DPEP2: variants seen among roughly 807,000 people sequenced by gnomAD.
The protein encoded by DPEP2 is dipeptidase 2.
Under a neutral mutation model 51.8 loss-of-function variants are expected in DPEP2, and 45 were observed. The ratio of observed to expected loss-of-function variants is 0.87; its 90% CI spans 0.68 to 1.11. The LOEUF (loss-of-function observed/expected upper bound fraction) is 1.11, where lower values mean the gene tolerates loss of function less well. Among genes scored for constraint, DPEP2 ranks in the 50% most tolerant of loss-of-function variants. The pLI, the probability that DPEP2 is intolerant of heterozygous loss-of-function variation, is 0.00. For synonymous variants in DPEP2, 255 were observed against 262.7 expected (o/e 0.97, Z 0.28); for missense variants, 604 against 631.9 (o/e 0.96, Z 0.47).
In DPEP2 at chr16:67,993,269, G is replaced by A. The variant is rs1303852198; in HGVS notation, c.-45-12C>T. 5 of 1,388,534 alleles carry A rather than the reference G, an allele frequency of 3.6e-6. No homozygotes were observed. The highest frequency in any genetic ancestry group is 3.0e-5 in the African/African-American group (2 of 67,270). The allele number at this position is 1,388,534 out of a possible 1,614,324, so 86.0% of individuals were successfully genotyped here. On this transcript the variant is annotated splice_polypyrimidine_tract_variant and intron_variant, in intron 1 of 10. Coordinates refer to ENST00000393847, the MANE Select transcript of DPEP2 (RefSeq NM_022355.4). ...GGCAGTCAGAGAGCCTGAGAGGGGC[G>A]GGCGAGGGGCAGAGCGCGACGATGG...
rs113729496 is a variant in DPEP2 at position 67,991,655 on chromosome 16, G to A, written c.662+183C>T. 15,362 of 923,220 alleles carry A rather than the reference G, an allele frequency of 0.017. 923 individuals are homozygous for A. The African/African-American group carries it at 0.17, about 10-fold the overall frequency. 57.2% of individuals were successfully genotyped at this position (923,220 alleles called of 1,614,324 possible). A position where few individuals can be genotyped will look rare whatever the true frequency, so the allele number is the denominator to read the frequency against. ...AGCCTCCCAAAGTTTTGGGATTACAGGCATGAGCCACCGCGTCTGGCCAGG... is the reference window on the plus strand; with the variant it reads ...AGCCTCCCAAAGTTTTGGGATTACAAGCATGAGCCACCGCGTCTGGCCAGG... On this transcript the variant is annotated intron_variant, in intron 5 of 10. Coordinates refer to ENST00000393847, the MANE Select transcript of DPEP2 (RefSeq NM_022355.4). The surrounding 1 kb of genome is among the most constrained non-coding windows in gnomAD (Gnocchi z 5.1).
At chr16:67,999,156 A>T in intron 1 of DPEP2, 1 of 154,336 alleles carries the variant, frequency 6.5e-6, no homozygotes, top group East Asian at 1.9e-4. Context: ...TATGAGCTTT[A>T]ACACTCACCG....
intron 2 of DPEP2, 139 bp from the exon 3 acceptor site, chr16:67,992,775 A>T: frequency 6.7e-7 from 1 of 1,494,166 alleles, no homozygotes; most frequent in Admixed American, 2.1e-5. Flanking sequence ...GGCCCGGGCT[A>T]GGAGTGCCCA....
At chr16:67,990,716 A>T in intron 7 of DPEP2, 105 bp downstream of exon 7, 1 of 1,302,910 alleles carries the variant, frequency 7.7e-7, no homozygotes, top group South Asian at 1.4e-5. Flanking sequence ...AGCCCACCTC[A>T]GCCTCCCAAA....
rs141329738 is a variant in DPEP2, at chr16:67,990,117, G to A, written c.924C>T (p.Gly308=). 21 of 1,613,924 alleles carry A rather than the reference G, an allele frequency of 1.3e-5. No individual in the cohort carries two copies. The highest frequency in any genetic ancestry group is 4.0e-5 in the African/African-American group (3 of 74,908). Reference sequence around the variant, plus strand: ...CCATGGACAAAGACACCATCACGACGCCACCGTTCTTCTTCTGCAGGGGCG... The same window carrying A: ...CCATGGACAAAGACACCATCACGACACCACCGTTCTTCTTCTGCAGGGGCG... ...DILQLLKKNG[G]VVMVSLSMGV... is the part of the protein sequence containing the mutation. The change falls in exon 8 of 11, where the codon GGC becomes GGT. Residue 308 remains glycine (G), a synonymous_variant. Coordinates refer to ENST00000393847, the MANE Select transcript of DPEP2 (RefSeq NM_022355.4).
intron 9 of DPEP2, among the ~76,000 whole-genome samples, chr16:67,988,666 TC>T: frequency 6.7e-6 from 1 of 149,476 alleles, no homozygotes; most frequent in East Asian, 2.0e-4. Context: ...AGGCCTGTAA[TC>T]CCACACTTTA....
intron 1 of DPEP2, 136 bp from the exon 2 acceptor site, chr16:67,993,393 C>CCGCCCAGTACGGCCAGTA (rs2032438384): frequency 3.1e-6 from 4 of 1,278,926 alleles, no homozygotes; most frequent in Non-Finnish European, 3.9e-6. Context: ...AGCGGCGGCA[C>CCGCCCAGTACGGCCAGTA]CGCCCAGTAC....
At chr16:67,989,858 G>A (rs1173670251) in intron 8 of DPEP2, among the ~76,000 whole-genome samples, 189 bp downstream of exon 8, 3 of 152,228 alleles carry the variant, frequency 2.0e-5, no homozygotes, top group African/African-American at 7.2e-5. Flanking sequence ...GGTTCTATGT[G>A]TGGCTTCCTC....
chr16:67,992,662 G>C, intron 2 of DPEP2, 26 bp from the exon 3 acceptor site: 1 of 1,606,972 alleles, frequency 6.2e-7, no homozygotes, highest in Non-Finnish European at 8.5e-7. Flanking sequence ...GCCAGGGTCA[G>C]GTGAAGAACA....
At chr16:67,988,971 G>T (rs553378200) in intron 9 of DPEP2, among the ~76,000 whole-genome samples, 46 of 152,198 alleles carry the variant, frequency 3.0e-4, no homozygotes, top group Non-Finnish European at 6.6e-4. Flanking sequence ...GAAGGAGGAC[G>T]AGGAAGAAAA....
rs1425520878 is a variant in DPEP2 at position 67,992,991 on chromosome 16, C to T, written c.222G>A (p.Glu74=). The change falls in exon 2 of 11, where the codon GAG becomes GAA. Residue 74 remains glutamate (E), a synonymous_variant. Transcript: ENST00000393847. ...LSSPSTQGLQ[E]QARALMRDFP... ...AGTCCCGCATCAGGGCCCGTGCCTG[C>T]TCTTGCAGGCCCTGGGTGCTGGGAC... The T allele has an allele frequency of 6.2e-7, 1 of 1,610,260 alleles. No homozygotes were observed. Among genetic ancestry groups the T allele is most frequent in the South Asian group, 1.1e-5 (1 of 90,360 alleles).
At chr16:67,993,942 C>A in intron 1 of DPEP2, 1 of 985,636 alleles carries the variant, frequency 1.0e-6, no homozygotes, top group African/African-American at 1.7e-5. Context: ...CCTCCGCCCC[C>A]CGCCCCGACC....
At chr16:67,992,791 G>T in intron 2 of DPEP2, 155 bp from the exon 3 acceptor site, 1 of 1,480,742 alleles carries the variant, frequency 6.8e-7, no homozygotes, top group East Asian at 2.4e-5. Context: ...GCCCACCCAA[G>T]AGGGGATGAC....
chr16:67,998,553 C>G (rs2032840988), intron 1 of DPEP2, among the ~76,000 whole-genome samples: 1 of 152,238 alleles, frequency 6.6e-6, no homozygotes, highest in Non-Finnish European at 1.5e-5. Flanking sequence ...CCGCCCCCTG[C>G]TCCACAGCGC....
At chr16:67,994,207 T>G in intron 1 of DPEP2, 2 of 985,398 alleles carry the variant, frequency 2.0e-6, no homozygotes, top group Non-Finnish European at 2.4e-6. Context: ...ACCTCCTACC[T>G]CCTTGAGGAA....
chr16:67,990,966 A>C lies in DPEP2; in HGVS notation c.764T>G (p.Met255Arg). 1 of 1,614,190 alleles carries C rather than the reference A, an allele frequency of 6.2e-7. No individual in the cohort carries two copies. The highest frequency in any genetic ancestry group is 8.5e-7 in the Non-Finnish European group (1 of 1,179,988). ...TGAGACATGGGATAAGTCTACCATC[A>C]TGCCCAGGCGGTTCATTTCTGCCAC... ...KVVAEMNRLGMMVDLSHVSDA... is the reference protein window; with the variant it reads ...KVVAEMNRLGRMVDLSHVSDA... The change falls in exon 7 of 11, where the codon ATG (methionine) becomes AGG (arginine). Residue 255 changes from methionine to arginine, a missense_variant. By Grantham distance (91) the Met-to-Arg change is moderately conservative. Transcript: ENST00000393847.
Position 67,991,033 on chromosome 16 carries a change from G to T in DPEP2, c.733-36C>A. The T allele has an allele frequency of 6.2e-7, 1 of 1,613,910 alleles. No individual in the cohort carries two copies. On this transcript the variant is annotated intron_variant, in intron 6 of 10. Coordinates refer to ENST00000393847, the MANE Select transcript of DPEP2 (RefSeq NM_022355.4). This position sits in a 1 kb window ranked among gnomAD's most constrained non-coding sequence, Gnocchi z 5.1. ...ATGTTGGGAGAAGGGTATCAGGGGT[G>T]CACATGTGTATACATTTATTTGTAA...
Position 67,991,036 on chromosome 16 carries a change from CAT to C in DPEP2, c.733-41_733-40del. ...TTGGGAGAAGGGTATCAGGGGTGCA[CAT>C]GTGTATACATTTATTTGTAAGAAAC... On this transcript the variant is annotated intron_variant, in intron 6 of 10. Transcript: ENST00000393847. This position sits in a 1 kb window ranked among gnomAD's most constrained non-coding sequence, Gnocchi z 5.1. 1 of 1,613,956 alleles carries C rather than the reference CAT, an allele frequency of 6.2e-7. No individual in the cohort carries two copies. The highest frequency in any genetic ancestry group is 8.5e-7 in the Non-Finnish European group (1 of 1,179,814).
chr16:67,995,894 G>A (rs1345139599), intron 1 of DPEP2, among the ~76,000 whole-genome samples: 1 of 152,008 alleles, frequency 6.6e-6, no homozygotes, highest in African/African-American at 2.4e-5. Flanking sequence ...AACCCAGGAG[G>A]CAGAGGTTGC....
Sources: allele counts gnomAD v4.1 joint callset (sites outside exome capture counted in the v4.1 genomes callset), GRCh38; gene constraint gnomAD v4.1.1; non-coding constraint Gnocchi (gnomAD v3.1); transcripts MANE v1.5; gene names NCBI Gene and HGNC (gene_info 2026-07-23, HGNC 2026-07-21).